The following RBM11 variants were observed in gnomAD, a reference collection of about 807,000 sequenced individuals.
RBM11 encodes splicing regulator RBM11.
In RBM11, 18 loss-of-function variants were observed where a neutral mutation model predicts 21.4. That is an observed-to-expected ratio of 0.84 (90% CI 0.58 to 1.25). The LOEUF (loss-of-function observed/expected upper bound fraction) is 1.25, where lower values mean the gene tolerates loss of function less well. Among genes scored for constraint, RBM11 ranks in the 50% most tolerant of loss-of-function variants. The pLI, the probability that RBM11 is intolerant of heterozygous loss-of-function variation, is 0.00. For missense variants in RBM11, 294 were observed against 331.9 expected (o/e 0.89, Z 0.89); for synonymous variants, 120 against 116.3 (o/e 1.03, Z -0.20).
chr21:14,221,164 C>A lies in RBM11; in HGVS notation c.327C>A (p.Asn109Lys), dbSNP rs141953885. Residue 109 changes from asparagine (N) to lysine (K), a missense_variant, in exon 3 of 5, where the codon AAC becomes AAA. Asn to Lys is a moderately conservative substitution (Grantham distance 94). This residue lies in a region of RBM11 where 181 missense variants were observed against 164.6 expected (regional missense o/e 1.10). Coordinates refer to ENST00000400577, the MANE Select transcript of RBM11 (RefSeq NM_144770.5). ...GCTGTGTTAAGATAAATTCACACAA[C>A]TACAGGTAATTTTAAAAATATTTCT... ...FESCVKINSH[N>K]YRNEEMLVGR... 10,179 of 1,555,980 alleles carry A rather than the reference C, an allele frequency of 6.5e-3. 76 individuals are homozygous for A. Among genetic ancestry groups the A allele is most frequent in the Middle Eastern group, 0.03 (178 of 5,876 alleles).
intron 3 of RBM11, among the ~76,000 whole-genome samples, chr21:14,222,396 T>C (rs1002540903): frequency 6.6e-6 from 1 of 152,142 alleles, no homozygotes; most frequent in Non-Finnish European, 1.5e-5. Context: ...ATACTGCTTT[T>C]TTTCTTGTCT....
At position 14,227,145 on chromosome 21, in the gene RBM11, A is replaced by G. The variant is rs7280643; in HGVS notation, c.698A>G (p.His233Arg). 184,126 of 1,613,072 alleles carry G rather than the reference A, an allele frequency of 0.11. 10,972 individuals carry two copies. Among genetic ancestry groups the G allele is most frequent in the African/African-American group, 0.17 (12,724 of 74,954 alleles). Residue 233 changes from histidine to arginine, a missense_variant, in exon 5 of 5, where the codon CAC becomes CGC. Physicochemically the swap from His to Arg is conservative, Grantham distance 29 (BLOSUM62 0). Around this residue, in one of 2 missense-constraint regions of RBM11, gnomAD observed 113 missense variants for 167.3 expected, o/e 0.68. Coordinates refer to ENST00000400577, the MANE Select transcript of RBM11 (RefSeq NM_144770.5). ...GGACCCAGCTCATATAAATGGACTC[A>G]CCAACAACCAAGTGACTCTGACCTT... ...EAGPSSYKWTHQQPSDSDLYQ... is the reference protein window; with the variant it reads ...EAGPSSYKWTRQQPSDSDLYQ...
chr21:14,226,200 T>A (rs1181712318), intron 4 of RBM11, among the ~76,000 whole-genome samples: 1 of 152,138 alleles, frequency 6.6e-6, no homozygotes, highest in African/African-American at 2.4e-5. Context: ...GTAAAATATC[T>A]CATTAATTTT....
chr21:14,228,135 G>A lies in RBM11; in HGVS notation c.*842G>A, dbSNP rs927051047. ...GTCTAAATCAAGTTTCCTATTTTTG[G>A]TTTATTTATTTTAGAAGAAAAATAA... On this transcript the variant is annotated 3_prime_UTR_variant, in exon 5 of 5. Transcript: ENST00000400577. 6.6e-6 allele frequency: 1 copy of A among 151,852 alleles called. No homozygotes were observed. The highest frequency in any genetic ancestry group is 1.5e-5 in the Non-Finnish European group (1 of 67,984). 9.4% of individuals were successfully genotyped at this position (151,852 alleles called of 1,614,324 possible).
chr21:14,217,825 A>G (rs1014963522), intron 1 of RBM11, among the ~76,000 whole-genome samples: 6 of 152,170 alleles, frequency 3.9e-5, no homozygotes, highest in Admixed American at 3.9e-4. Flanking sequence ...AAAAAAGGAG[A>G]GTGGAAGACT....
Position 14,224,440 on chromosome 21 carries a change from A to G in RBM11, c.335A>G (p.Asn112Ser). The change falls in exon 4 of 5, where the codon AAT becomes AGT. Residue 112 changes from asparagine (N) to serine (S), a missense_variant and splice_region_variant. By Grantham distance (46) the Asn-to-Ser change is conservative. Transcript: ENST00000400577. ...CVKINSHNYR[N>S]EEMLVGRSSF... is the part of the protein sequence containing the mutation. ...CTTCTTCTTTCATCTCCTCAAAGGA[A>G]TGAAGAAATGTTGGTGGGCAGATCT... 2 of 1,555,244 alleles carry G rather than the reference A, an allele frequency of 1.3e-6. No individual in the cohort carries two copies. The highest frequency in any genetic ancestry group is 1.4e-5 in the African/African-American group (1 of 73,362).
intron 3 of RBM11, among the ~76,000 whole-genome samples, chr21:14,223,978 C>G (rs984376584): frequency 6.6e-6 from 1 of 152,102 alleles, no homozygotes; most frequent in African/African-American, 2.4e-5. Flanking sequence ...GACTCTCCAG[C>G]CTGAAGAACC....
At chr21:14,221,589 GAATT>G (rs1978668858) in intron 3 of RBM11, 1 of 152,734 alleles carries the variant, frequency 6.5e-6, no homozygotes, top group African/African-American at 2.4e-5. Flanking sequence ...TTAAGCCATT[GAATT>G]AATTATTTTA....
intron 2 of RBM11, 55 bp downstream of exon 2, chr21:14,219,780 A>C: frequency 2.8e-6 from 4 of 1,426,998 alleles, no homozygotes; most frequent in Non-Finnish European, 3.7e-6. Flanking sequence ...TACTATTCTC[A>C]GAGTTGTAAG....
intron 1 of RBM11, 65 bp downstream of exon 1, chr21:14,216,347 C>G: frequency 1.4e-6 from 2 of 1,396,752 alleles, no homozygotes; most frequent in African/African-American, 1.4e-5. Context: ...TAGCGCGCAC[C>G]TGGACCACCC....
In RBM11 at chr21:14,227,299, C is replaced by T; in HGVS notation, c.*6C>T. 6.3e-7 allele frequency: 1 copy of T among 1,596,006 alleles called. No individual in the cohort carries two copies. The highest frequency in any genetic ancestry group is 8.5e-7 in the Non-Finnish European group (1 of 1,172,678). ...AGAAGAAGAAAAGATACTAGTATTA[C>T]CTACAAATGAAACTTACCTACACTG... On this transcript the variant is annotated 3_prime_UTR_variant, in exon 5 of 5. Transcript: ENST00000400577.
In RBM11 at chr21:14,221,173, A is replaced by G; in HGVS notation, c.332+4A>G. On this transcript the variant is annotated splice_donor_region_variant and intron_variant, in intron 3 of 4. Transcript: ENST00000400577. ...AGATAAATTCACACAACTACAGGTA[A>G]TTTTAAAAATATTTCTCATCAAAGG... 6.5e-7 allele frequency: 1 copy of G among 1,547,222 alleles called. No individual in the cohort carries two copies. Among genetic ancestry groups the G allele is most frequent in the South Asian group, 1.2e-5 (1 of 81,008 alleles).
At chr21:14,221,895 A>G (rs1056437091) in intron 3 of RBM11, among the ~76,000 whole-genome samples, 1 of 152,156 alleles carries the variant, frequency 6.6e-6, no homozygotes, top group Non-Finnish European at 1.5e-5. Context: ...ACACTAATAA[A>G]CACGTGCCCT....
At position 14,226,454 on chromosome 21, in the gene RBM11, A is replaced by T. The variant is rs186545825; in HGVS notation, c.433-426A>T. 9.5e-4 allele frequency among the ~76,000 whole-genome samples: 145 copies of T among 152,126 alleles called. 1 individual carries two copies. Among genetic ancestry groups the T allele is most frequent in the African/African-American group, 3.4e-3 (141 of 41,508 alleles). ...ACCAATATGGTGAAACGCTGTCTCT[A>T]CTAAAAATACAAAAATTAGCTGGGT... On this transcript the variant is annotated intron_variant, in intron 4 of 4. Transcript: ENST00000400577.
At position 14,219,875 on chromosome 21, in the gene RBM11, G is replaced by A. The variant is rs181103071; in HGVS notation, c.259+150G>A. 3,464 of 530,438 alleles carry A rather than the reference G, an allele frequency of 6.5e-3. 21 individuals carry two copies. The highest frequency in any genetic ancestry group is 8.2e-3 in the Non-Finnish European group (2,651 of 324,758). The allele number at this position is 530,438 out of a possible 1,614,324, so 32.9% of individuals were successfully genotyped here. A position where few individuals can be genotyped will look rare whatever the true frequency, so the allele number is the denominator to read the frequency against. ...TCATTGTTAAATTTTCTCAGAACAC[G>A]TGTCTAATTCATAATGTTATATAGT... On this transcript the variant is annotated intron_variant, in intron 2 of 4. Coordinates refer to ENST00000400577, the MANE Select transcript of RBM11 (RefSeq NM_144770.5).
chr21:14,226,046 A>G (rs1979058851), intron 4 of RBM11, among the ~76,000 whole-genome samples: 1 of 152,126 alleles, frequency 6.6e-6, no homozygotes, highest in Admixed American at 6.5e-5. Flanking sequence ...CAACTTGGCC[A>G]TGTGAGTATA....
At chr21:14,222,059 C>G (rs1374732301) in intron 3 of RBM11, among the ~76,000 whole-genome samples, 2 of 152,056 alleles carry the variant, frequency 1.3e-5, no homozygotes, top group Non-Finnish European at 2.9e-5. Flanking sequence ...TCCGTTCTTG[C>G]AAAGGGAAAG....
chr21:14,217,842 G>C (rs986413098), intron 1 of RBM11, among the ~76,000 whole-genome samples: 1 of 152,024 alleles, frequency 6.6e-6, no homozygotes, highest in East Asian at 1.9e-4. Context: ...GACTGGGGTG[G>C]GATTGCATTA....
chr21:14,224,400 T>C, intron 3 of RBM11, 38 bp from the exon 4 acceptor site: 4 of 1,520,904 alleles, frequency 2.6e-6, no homozygotes, highest in Non-Finnish European at 3.5e-6. Flanking sequence ...TAATAGGAAT[T>C]TTAAGATTTT....
Sources: gnomAD v4.1 joint callset for allele counts (sites outside exome capture counted in the v4.1 genomes callset) on GRCh38, gnomAD v4.1.1 for gene constraint, gnomAD v4.1.1 regional missense constraint, MANE v1.5 for transcripts, NCBI Gene and HGNC (gene_info 2026-07-23, HGNC 2026-07-21) for gene names.